PIK3C2G: variants seen among roughly 807,000 people sequenced by gnomAD.
The protein encoded by PIK3C2G is phosphatidylinositol 3-kinase C2 domain-containing subunit gamma.
PIK3C2G carries 168 observed loss-of-function variants against 181.1 expected under a neutral mutation model. The observed-to-expected ratio is 0.93, with a 90% CI of 0.82 to 1.05. The LOEUF (loss-of-function observed/expected upper bound fraction) is 1.05, where lower values mean the gene tolerates loss of function less well. Ranked by LOEUF, PIK3C2G falls within the 50% of genes least tolerant of loss-of-function variation. The pLI is 0.00. For synonymous variants in PIK3C2G, 573 were observed against 592.2 expected (o/e 0.97, Z 0.47); for missense variants, 1,869 against 1,732.8 (o/e 1.08, Z -1.40).
rs565648008 is a variant in PIK3C2G, at chr12:18,570,213, A to G, written c.4011+3156A>G. Among the ~76,000 whole-genome samples, 17 of 146,192 alleles carry G rather than the reference A, an allele frequency of 1.2e-4. No homozygotes were observed. The East Asian group carries it at 3.4e-3, about 29-fold the overall frequency. The stretch of plus-strand genomic sequence containing the variant: ...TTCTTTATCCATAAATAAAATGCAC[A>G]CTTTTTTTTTTTTTGAGATGGAGTT... On this transcript the variant is annotated intron_variant, in intron 29 of 32. Coordinates refer to ENST00000538779, the MANE Select transcript of PIK3C2G (RefSeq NM_001288772.2).
chr12:18,494,429 C>T (rs922717069), intron 20 of PIK3C2G, among the ~76,000 whole-genome samples: 1 of 151,480 alleles, frequency 6.6e-6, no homozygotes, highest in Non-Finnish European at 1.5e-5. Context: ...TGTGTGTGTA[C>T]CACCAAATTT....
intron 16 of PIK3C2G, among the ~76,000 whole-genome samples, chr12:18,417,777 G>A (rs552131333): frequency 1.3e-5 from 2 of 151,692 alleles, no homozygotes; most frequent in Non-Finnish European, 2.9e-5. Flanking sequence ...TGTGCGACTG[G>A]CTTTATTGTG....
the PIK3C2G span, chr12:18,701,634 TC>T: frequency 6.3e-7 from 1 of 1,591,510 alleles, no homozygotes; most frequent in Admixed American, 1.7e-5. Flanking sequence ...CTCCTCCTCC[TC>T]CTCCTCCTCC....
rs1349036966 is a variant in PIK3C2G at position 18,362,858 on chromosome 12, T to A, written c.1720T>A (p.Phe574Ile). The A allele has an allele frequency of 6.7e-7, 1 of 1,501,482 alleles. No individual in the cohort carries two copies. The highest frequency in any genetic ancestry group is 8.9e-7 in the Non-Finnish European group (1 of 1,125,524). 93.0% of individuals were successfully genotyped at this position (1,501,482 alleles called of 1,614,324 possible). ...CAGAAATATTCCAGACAAGAAATTA[T>A]TTTTTTTCTTGGTCAACTGGAATGA... The part of the protein sequence containing the change: ...NYRNIPDKKL[F>I]FFLVNWNETI... Residue 574 changes from phenylalanine to isoleucine, a missense_variant, in exon 12 of 33, where the codon TTT (phenylalanine) becomes ATT (isoleucine). Physicochemically the swap from Phe to Ile is conservative, Grantham distance 21. Coordinates refer to ENST00000538779, the MANE Select transcript of PIK3C2G (RefSeq NM_001288772.2).
intron 18 of PIK3C2G, among the ~76,000 whole-genome samples, chr12:18,443,446 G>A (rs1946855301): frequency 7.0e-6 from 1 of 143,822 alleles, no homozygotes; most frequent in Non-Finnish European, 1.5e-5. Context: ...ACCCTATTAT[G>A]GCTTTAAAGT....
At chr12:18,591,075 T>A (rs1372489956) in intron 29 of PIK3C2G, among the ~76,000 whole-genome samples, 3 of 152,032 alleles carry the variant, frequency 2.0e-5, no homozygotes, top group East Asian at 3.9e-4. Flanking sequence ...CTTAAACAGA[T>A]TCTGCAGTCT....
At chr12:18,520,002 TAAAAA>T (rs889312316) in intron 24 of PIK3C2G, among the ~76,000 whole-genome samples, 1 of 46,284 alleles carries the variant, frequency 2.2e-5, no homozygotes, top group African/African-American at 8.2e-5. Context: ...CAATAAATAC[TAAAAA>T]AAAAAAAAAA....
chr12:18,278,052 C>G (rs1949058111), intron 1 of PIK3C2G, among the ~76,000 whole-genome samples: 1 of 152,142 alleles, frequency 6.6e-6, no homozygotes, highest in Non-Finnish European at 1.5e-5. Flanking sequence ...ATTCTAGTCT[C>G]TGATTTTCCA....
chr12:18,615,330 GGT>G (rs3055216), intron 31 of PIK3C2G, among the ~76,000 whole-genome samples: 20,991 of 137,942 alleles, frequency 0.15, 1,875 homozygotes, highest in Admixed American at 0.27. Flanking sequence ...AGTATTCCAC[GGT>G]GTGTGTGTGT....
chr12:18,441,846 A>G (rs1946762383), intron 18 of PIK3C2G, among the ~76,000 whole-genome samples: 2 of 152,178 alleles, frequency 1.3e-5, no homozygotes, highest in Non-Finnish European at 2.9e-5. Flanking sequence ...TGGAGTCTCA[A>G]GTGTCAAATG....
intron 30 of PIK3C2G, among the ~76,000 whole-genome samples, chr12:18,601,205 A>C (rs559913515): frequency 6.6e-6 from 1 of 152,034 alleles, no homozygotes; most frequent in East Asian, 1.9e-4. Flanking sequence ...TAAAAATCAC[A>C]TGGTCACCTC....
intron 24 of PIK3C2G, among the ~76,000 whole-genome samples, chr12:18,509,323 C>T (rs1942061289): frequency 6.6e-6 from 1 of 152,196 alleles, no homozygotes; most frequent in Non-Finnish European, 1.5e-5. Context: ...GCTGAGATTA[C>T]AGGCGTGAGC....
chr12:18,679,309 T>G, the PIK3C2G span, among the ~76,000 whole-genome samples: 2 of 152,066 alleles, frequency 1.3e-5, no homozygotes, highest in African/African-American at 2.4e-5. Flanking sequence ...TTTGATGAAA[T>G]CAACTCTATC....
intron 18 of PIK3C2G, among the ~76,000 whole-genome samples, chr12:18,475,492 A>G (rs1199047542): frequency 6.6e-6 from 1 of 151,758 alleles, no homozygotes; most frequent in African/African-American, 2.4e-5. Context: ...TATCTGATAG[A>G]AAAGTACTCT....
intron 8 of PIK3C2G, among the ~76,000 whole-genome samples, chr12:18,333,949 C>T (rs1314061408): frequency 6.6e-6 from 1 of 152,104 alleles, no homozygotes; most frequent in African/African-American, 2.4e-5. Flanking sequence ...CAGAAAGATG[C>T]AGGGGAGACA....
At chr12:18,611,332 T>G (rs1404791545) in intron 31 of PIK3C2G, among the ~76,000 whole-genome samples, 2 of 152,102 alleles carry the variant, frequency 1.3e-5, no homozygotes, top group Non-Finnish European at 2.9e-5. Flanking sequence ...TTACTAATGA[T>G]GTAGTAATAC....
At chr12:18,386,106 T>A (rs1455648910) in intron 14 of PIK3C2G, among the ~76,000 whole-genome samples, 1 of 152,028 alleles carries the variant, frequency 6.6e-6, no homozygotes, top group African/African-American at 2.4e-5. Context: ...TCCTCTGGCT[T>A]TGGTGTTACT....
chr12:18,713,358 C>T, the PIK3C2G span, among the ~76,000 whole-genome samples: 1 of 152,070 alleles, frequency 6.6e-6, no homozygotes, highest in African/African-American at 2.4e-5. Flanking sequence ...CTGTTCAATG[C>T]CATACCATTC....
chr12:18,483,975 G>C lies in PIK3C2G; in HGVS notation c.2505-4474G>C, dbSNP rs188071054. Among the ~76,000 whole-genome samples, 321 of 152,222 alleles carry C rather than the reference G, an allele frequency of 2.1e-3. 2 individuals carry two copies. Among genetic ancestry groups the C allele is most frequent in the African/African-American group, 7.3e-3 (305 of 41,532 alleles). On this transcript the variant is annotated intron_variant, in intron 18 of 32. Transcript: ENST00000538779. ...GGACTAAAGGAACAGCCTCCTACTG[G>C]GACATGCTGTTCTCCAGGAAGAAAG...
Sources: allele counts gnomAD v4.1 joint callset (sites outside exome capture counted in the v4.1 genomes callset), GRCh38; gene constraint gnomAD v4.1.1; transcripts MANE v1.5; gene names NCBI Gene and HGNC (gene_info 2026-07-23, HGNC 2026-07-21).